SLC38A1: variants seen among roughly 807,000 people sequenced by gnomAD.
SLC38A1 encodes sodium-coupled neutral amino acid symporter 1.
A neutral mutation model predicts 60.3 loss-of-function variants in SLC38A1; 18 were observed. The ratio of observed to expected loss-of-function variants is 0.30; its 90% CI spans 0.21 to 0.44. The LOEUF is 0.44. Ranked by LOEUF, SLC38A1 falls within the 20% of genes least tolerant of loss-of-function variation. The pLI is 1.00. For synonymous variants in SLC38A1, 196 were observed against 212.1 expected, an observed-to-expected ratio of 0.92 and a Z score of 0.66; for missense variants, 448 against 587.2, an observed-to-expected ratio of 0.76 and a Z score of 2.45.
At chr12:46,194,711 G>A (rs563085256) in intron 16 of SLC38A1, among the ~76,000 whole-genome samples, 8 of 152,114 alleles carry the variant, frequency 5.3e-5, no homozygotes, top group African/African-American at 1.9e-4. Flanking sequence ...TCTTCCACTT[G>A]ATCGAATCGG....
rs559215905 is a variant in SLC38A1, at chr12:46,187,928, A to C, written c.*1042T>G. The C allele has an allele frequency of 1.2e-4, 19 of 152,280 alleles. No homozygotes were observed. Among genetic ancestry groups the C allele is most frequent in the Admixed American group, 4.6e-4 (7 of 15,294 alleles). 9.4% of individuals were successfully genotyped at this position (152,280 alleles called of 1,614,324 possible). A position where few individuals can be genotyped will look rare whatever the true frequency, so the allele number is the denominator to read the frequency against. ...CAAGTCTTTTAAAGACTTCCCTAAA[A>C]TACTCAATATAAAACAGGAGTTACT... On this transcript the variant is annotated 3_prime_UTR_variant, in exon 17 of 17. Coordinates refer to ENST00000398637, the MANE Select transcript of SLC38A1 (RefSeq NM_030674.4).
intron 7 of SLC38A1, 89 bp downstream of exon 7, chr12:46,207,440 T>C (rs1483847489): frequency 7.6e-7 from 1 of 1,311,418 alleles, no homozygotes; most frequent in African/African-American, 1.5e-5. Flanking sequence ...ATGAGGATGA[T>C]AACTGCTTGA....
chr12:46,202,977 C>A, intron 12 of SLC38A1, 33 bp downstream of exon 12: 1 of 1,549,910 alleles, frequency 6.5e-7, no homozygotes, highest in Non-Finnish European at 8.9e-7. Context: ...GGATGTAAAA[C>A]GATTAAGATA....
intron 13 of SLC38A1, among the ~76,000 whole-genome samples, chr12:46,199,378 C>G (rs1370327676): frequency 1.3e-5 from 2 of 150,432 alleles, no homozygotes; most frequent in African/African-American, 4.9e-5. Context: ...GGGTTTTGCT[C>G]TATCACCCAG....
intron 1 of SLC38A1, among the ~76,000 whole-genome samples, chr12:46,246,077 C>A (rs1002934817): frequency 6.6e-6 from 1 of 152,298 alleles, no homozygotes; most frequent in South Asian, 2.1e-4. Flanking sequence ...TTCTGCAGCT[C>A]CCAGCGTGAA....
At chr12:46,202,986 T>TA in intron 12 of SLC38A1, 24 bp downstream of exon 12, 1 of 1,589,108 alleles carries the variant, frequency 6.3e-7, no homozygotes, top group South Asian at 1.1e-5. Flanking sequence ...ACGATTAAGA[T>TA]AAAAAATTAA....
chr12:46,196,126 A>T, intron 16 of SLC38A1: 1 of 1,534,492 alleles, frequency 6.5e-7, no homozygotes, highest in Non-Finnish European at 8.7e-7. Flanking sequence ...GTGAGAACAG[A>T]CTAATACAGA....
At chr12:46,266,570 G>A (rs1039745532) in intron 1 of SLC38A1, among the ~76,000 whole-genome samples, 2 of 151,600 alleles carry the variant, frequency 1.3e-5, no homozygotes, top group Non-Finnish European at 2.9e-5. Flanking sequence ...CTCCCGGTGA[G>A]TCACTCTATT....
chr12:46,216,765 CA>C (rs906383585), intron 5 of SLC38A1, among the ~76,000 whole-genome samples: 3 of 151,950 alleles, frequency 2.0e-5, no homozygotes, highest in Non-Finnish European at 2.9e-5. Flanking sequence ...GAGGCTGAGG[CA>C]GGAGAATTGC....
intron 3 of SLC38A1, among the ~76,000 whole-genome samples, chr12:46,230,436 G>C (rs897003896): frequency 2.6e-5 from 4 of 152,174 alleles, no homozygotes; most frequent in African/African-American, 9.7e-5. Flanking sequence ...CTGAGGGCCT[G>C]AGCATGCTAC....
At chr12:46,198,482 C>T (rs906111864) in intron 14 of SLC38A1, 143 bp downstream of exon 14, 38 of 587,024 alleles carry the variant, frequency 6.5e-5, no homozygotes, top group Middle Eastern at 8.6e-4. Flanking sequence ...GAGCCTGAAC[C>T]GAGTCTTGGG....
rs578257055 is a variant in SLC38A1 at position 46,244,678 on chromosome 12, G to A, written c.-208-1364C>T. Among the ~76,000 whole-genome samples the A allele has an allele frequency of 3.3e-4, 50 of 152,306 alleles. No individual in the cohort carries two copies. The South Asian group carries it at 1.0e-2, about 30-fold the overall frequency. ...CCTGATTTCCAGACTTCCTGAAGGA[G>A]GCACAGATAGCATTTAACCTTAGCA... is the stretch of plus-strand genomic sequence containing the variant. On this transcript the variant is annotated intron_variant, in intron 1 of 16. Transcript: ENST00000398637.
At chr12:46,236,341 G>C (rs1941258491) in intron 3 of SLC38A1, among the ~76,000 whole-genome samples, 1 of 152,032 alleles carries the variant, frequency 6.6e-6, no homozygotes, top group Non-Finnish European at 1.5e-5. Flanking sequence ...GGCATAAATG[G>C]GCTAACTAAC....
chr12:46,211,986 T>C (rs1940191765), intron 5 of SLC38A1, among the ~76,000 whole-genome samples: 1 of 152,216 alleles, frequency 6.6e-6, no homozygotes, highest in African/African-American at 2.4e-5. Flanking sequence ...TACAAGAATC[T>C]GGCATTAATA....
chr12:46,253,901 C>T (rs140745527), intron 1 of SLC38A1, among the ~76,000 whole-genome samples: 11 of 152,176 alleles, frequency 7.2e-5, no homozygotes, highest in East Asian at 1.9e-4. Context: ...AGGGTAGAGA[C>T]GCGCTCAGTC....
chr12:46,199,393 G>GAATATGGTT (rs1939544197), intron 13 of SLC38A1, among the ~76,000 whole-genome samples: 1 of 149,902 alleles, frequency 6.7e-6, no homozygotes, highest in Admixed American at 6.7e-5. Context: ...ACCCAGGCTG[G>GAATATGGTT]AATATGGTTG....
chr12:46,209,001 C>A, intron 6 of SLC38A1, 53 bp downstream of exon 6: 1 of 1,228,602 alleles, frequency 8.1e-7, no homozygotes, highest in South Asian at 1.2e-5. Flanking sequence ...ACAATGCTAC[C>A]ATAAAAATAA....
chr12:46,228,036 G>A (rs973331740), intron 5 of SLC38A1, among the ~76,000 whole-genome samples: 3 of 152,034 alleles, frequency 2.0e-5, no homozygotes, highest in South Asian at 2.1e-4. Flanking sequence ...CAGCTCAAGC[G>A]GAAAGGCAAC....
intron 5 of SLC38A1, among the ~76,000 whole-genome samples, chr12:46,215,861 G>A (rs963177325): frequency 4.6e-5 from 7 of 152,068 alleles, no homozygotes; most frequent in South Asian, 2.1e-4. Context: ...CTTGAGCTGG[G>A]GTAAAAGTGG....
Sources: gnomAD v4.1 joint callset for allele counts (sites outside exome capture counted in the v4.1 genomes callset) on GRCh38, gnomAD v4.1.1 for gene constraint, MANE v1.5 for transcripts, NCBI Gene and HGNC (gene_info 2026-07-23, HGNC 2026-07-21) for gene names.